The following CSRP1 variants were observed in gnomAD, a reference collection of about 807,000 sequenced individuals.
CSRP1 encodes cysteine and glycine-rich protein 1.
In CSRP1, 16 loss-of-function variants were observed where a neutral mutation model predicts 25.4. The observed-to-expected ratio is 0.63, with a 90% CI of 0.43 to 0.96. The LOEUF (loss-of-function observed/expected upper bound fraction) is 0.96. Ranked by LOEUF, CSRP1 falls within the 40% of genes least tolerant of loss-of-function variation. The probability of loss-of-function intolerance (pLI) is 0.00; values close to 1 mark genes in which losing one functional copy is unlikely to be tolerated. For synonymous variants in CSRP1, 97 were observed against 95.3 expected, an observed-to-expected ratio of 1.02 and a Z score of -0.10; for missense variants, 212 against 243.6, an observed-to-expected ratio of 0.87 and a Z score of 0.86.
chr1:201,486,651 C>A lies in CSRP1; in HGVS notation c.412-1275G>T, dbSNP rs4915528. The A allele has an allele frequency of 2.1e-3, 2,186 of 1,038,204 alleles. 88 individuals are homozygous for A. In the East Asian group the frequency reaches 0.09, roughly 43 times the overall value. 64.3% of individuals were successfully genotyped at this position (1,038,204 alleles called of 1,614,324 possible). Reference sequence around the variant, plus strand: ...AAAAACTGAATCACACCTAGACCAACACCTCTCCTCATATTTCCTAGCCAC... The same window carrying A: ...AAAAACTGAATCACACCTAGACCAAAACCTCTCCTCATATTTCCTAGCCAC... On this transcript the variant is annotated intron_variant, in intron 4 of 5. Transcript: ENST00000340006.
At position 201,488,842 on chromosome 1, in the gene CSRP1, G is replaced by A; in HGVS notation, c.411+13C>T. 6 of 1,611,518 alleles carry A rather than the reference G, an allele frequency of 3.7e-6. No homozygotes were observed. The highest frequency in any genetic ancestry group is 5.1e-6 in the Non-Finnish European group (6 of 1,177,914). On this transcript the variant is annotated intron_variant, in intron 4 of 5. Coordinates refer to ENST00000340006, the MANE Select transcript of CSRP1 (RefSeq NM_004078.3). ...TCTCCCCCCATCCCTCTCATGCCCA[G>A]CAGCCACCTTACCTTCCCAGCACCA...
intron 1 of CSRP1, among the ~76,000 whole-genome samples, chr1:201,506,080 G>A (rs12031021): frequency 0.087 from 13,221 of 152,202 alleles, 1,275 homozygotes; most frequent in East Asian, 0.45. Flanking sequence ...GGAAACCTGC[G>A]CGTTAAGTGG....
At chr1:201,504,373 C>A (rs1177300705) in intron 1 of CSRP1, among the ~76,000 whole-genome samples, 1 of 152,230 alleles carries the variant, frequency 6.6e-6, no homozygotes, top group Non-Finnish European at 1.5e-5. Context: ...ATCTGGTTAT[C>A]CTTATCTTAA....
chr1:201,495,679 T>C (rs515384), intron 2 of CSRP1: 78,846 of 152,292 alleles, frequency 0.52, 22,362 homozygotes, highest in East Asian at 0.91. Flanking sequence ...GGGAACTTTG[T>C]ACTCCCTCTT....
At chr1:201,497,799 C>T (rs752669145) in intron 1 of CSRP1, among the ~76,000 whole-genome samples, 3 of 152,010 alleles carry the variant, frequency 2.0e-5, no homozygotes, top group East Asian at 1.9e-4. Flanking sequence ...ATCACGAGGT[C>T]GGGAGTTTGA....
chr1:201,490,458 T>TGAAA, intron 2 of CSRP1, 114 bp from the exon 3 acceptor site: 2 of 1,094,092 alleles, frequency 1.8e-6, no homozygotes, highest in Non-Finnish European at 2.6e-6. Context: ...CATAATATCC[T>TGAAA]GATCTTTCAG....
rs369345991 is a variant in CSRP1 at position 201,490,376 on chromosome 1, A to C, written c.113-32T>G. 9.4e-5 allele frequency: 151 copies of C among 1,608,316 alleles called. 1 individual carries two copies. In the African/African-American group the frequency reaches 1.7e-3, roughly 18 times the overall value. ...AGGGGAAGGGGAAGCGGACGCATTG[A>C]GTTGAAGCTGGGGTGACCTTCTTGC... On this transcript the variant is annotated intron_variant, in intron 2 of 5. Transcript: ENST00000340006.
Position 201,490,288 on chromosome 1 carries a change from AAATCTCC to A in CSRP1, c.162_168del (p.Glu54AspfsTer77), listed in dbSNP as rs1265870133. The A allele has an allele frequency of 6.2e-7, 1 of 1,614,168 alleles. No individual in the cohort carries two copies. Among genetic ancestry groups the A allele is most frequent in the Admixed American group, 1.7e-5 (1 of 60,014 alleles). Reference sequence around the variant, plus strand: ...TTCTTGCCGTAGCAGGACTTGCAGTAAATCTCCTCACCATGCACGGCCACAGTGGTAC... The same window carrying A: ...TTCTTGCCGTAGCAGGACTTGCAGTATCACCATGCACGGCCACAGTGGTAC... On this transcript the variant is annotated frameshift_variant, in exon 3 of 6. Transcript: ENST00000340006. LOFTEE classifies it high-confidence loss of function.
chr1:201,496,432 A>G (rs1664517949), intron 1 of CSRP1, 128 bp from the exon 2 acceptor site: 2 of 770,264 alleles, frequency 2.6e-6, no homozygotes, highest in South Asian at 3.1e-5. Flanking sequence ...CTGGGGGGCC[A>G]CCAGGCCTGG....
chr1:201,484,820 T>C (rs1190959135), intron 5 of CSRP1, 31 bp from the exon 6 acceptor site: 1 of 1,587,440 alleles, frequency 6.3e-7, no homozygotes. Flanking sequence ...TAAGGGCATG[T>C]TCTTCCTCCA....
At chr1:201,506,501 G>C (rs1391631473) in intron 1 of CSRP1, 2 of 152,224 alleles carry the variant, frequency 1.3e-5, no homozygotes, top group African/African-American at 4.8e-5. Context: ...AGCTTTCAAG[G>C]ACTGAGGCCA....
In CSRP1 at chr1:201,484,472, C is replaced by T. The variant is rs1244351916; in HGVS notation, c.*241G>A. On this transcript the variant is annotated 3_prime_UTR_variant, in exon 6 of 6. Transcript: ENST00000340006. ...GGAGAGGGGCCTGCTCTCACCTAGA[C>T]CCAAAACACTGAGGTCTCCTACTGG... The T allele has an allele frequency of 6.9e-6, 4 of 576,428 alleles. No homozygotes were observed. Among genetic ancestry groups the T allele is most frequent in the African/African-American group, 1.9e-5 (1 of 53,560 alleles). 35.7% of individuals were successfully genotyped at this position (576,428 alleles called of 1,614,324 possible). A position where few individuals can be genotyped will look rare whatever the true frequency, so the allele number is the denominator to read the frequency against.
intron 2 of CSRP1, among the ~76,000 whole-genome samples, chr1:201,494,897 C>T (rs682600): frequency 0.46 from 69,339 of 152,084 alleles, 17,080 homozygotes; most frequent in East Asian, 0.91. Context: ...CACTCATAAT[C>T]ATTTTAAGTG....
intron 4 of CSRP1, 131 bp downstream of exon 4, chr1:201,488,724 A>T: frequency 9.4e-7 from 1 of 1,060,814 alleles, no homozygotes; most frequent in Non-Finnish European, 1.4e-6. Flanking sequence ...CCACAGGGAC[A>T]AAGAGAAGAG....
chr1:201,486,389 A>C (rs1664144035), intron 4 of CSRP1: 3 of 985,462 alleles, frequency 3.0e-6, no homozygotes. Flanking sequence ...CAGATAAGAC[A>C]AAACAAGGCC....
chr1:201,494,842 G>C (rs569403925), intron 2 of CSRP1, among the ~76,000 whole-genome samples: 1 of 104,594 alleles, frequency 9.6e-6, no homozygotes, highest in Non-Finnish European at 1.9e-5. Context: ...GTGTGTGTGC[G>C]TGTGCACGTG....
At chr1:201,488,773 G>T (rs1664230325) in intron 4 of CSRP1, 82 bp downstream of exon 4, 6 of 1,547,058 alleles carry the variant, frequency 3.9e-6, no homozygotes, top group Non-Finnish European at 5.3e-6. Flanking sequence ...AGCAGAGCTA[G>T]GTCACCAATT....
intron 1 of CSRP1, among the ~76,000 whole-genome samples, chr1:201,505,740 G>T (rs985347294): frequency 1.1e-4 from 16 of 152,254 alleles, no homozygotes; most frequent in African/African-American, 3.4e-4. Flanking sequence ...GCAGCTGAGG[G>T]CTGAGGACAG....
Position 201,484,190 on chromosome 1 carries a change from G to A in CSRP1, c.*523C>T. 1 of 569,860 alleles carries A rather than the reference G, an allele frequency of 1.8e-6. No homozygotes were observed. Among genetic ancestry groups the A allele is most frequent in the Non-Finnish European group, 3.2e-6 (1 of 311,520 alleles). 35.3% of individuals were successfully genotyped at this position (569,860 alleles called of 1,614,324 possible). On this transcript the variant is annotated 3_prime_UTR_variant, in exon 6 of 6. Transcript: ENST00000340006. ...TGCATGCCTCTCTGCCTCCAATAGT[G>A]ACTCCCTAAGCTGGGACTCCTCAGG...
Sources: gnomAD v4.1 joint callset for allele counts (sites outside exome capture counted in the v4.1 genomes callset) on GRCh38, gnomAD v4.1.1 for gene constraint, MANE v1.5 for transcripts, NCBI Gene and HGNC (gene_info 2026-07-23, HGNC 2026-07-21) for gene names.